APBB2: variants seen among roughly 807,000 people sequenced by gnomAD.
APBB2 encodes the protein amyloid beta precursor protein binding family B member 2, also known as Fe65-like 1.
APBB2 carries 38 observed loss-of-function variants against 82.5 expected under a neutral mutation model. That is an observed-to-expected ratio of 0.46 (90% CI 0.36 to 0.60). The LOEUF (loss-of-function observed/expected upper bound fraction) is 0.60. Among genes scored for constraint, APBB2 ranks in the 20% least tolerant of loss-of-function variants. The pLI is 0.00. For missense variants in APBB2, 772 were observed against 972.3 expected (o/e 0.79, Z 2.74); for synonymous variants, 341 against 368.2 (o/e 0.93, Z 0.85).
chr4:41,140,143 C>A (rs1758685633), intron 2 of APBB2, among the ~76,000 whole-genome samples: 1 of 152,194 alleles, frequency 6.6e-6, no homozygotes, highest in Non-Finnish European at 1.5e-5. Context: ...AGAAAGCTGA[C>A]TGAGGTTCTG....
chr4:41,189,940 A>G (rs1342109916), intron 1 of APBB2, among the ~76,000 whole-genome samples: 1 of 152,202 alleles, frequency 6.6e-6, no homozygotes, highest in African/African-American at 2.4e-5. Context: ...AGGGTTGAAA[A>G]TCTGTAACTG....
chr4:40,918,934 A>G (rs75655900), intron 10 of APBB2, among the ~76,000 whole-genome samples: 3,108 of 152,034 alleles, frequency 0.02, 47 homozygotes, highest in South Asian at 0.043. Context: ...TTACATTTAT[A>G]TAGAGCCTTG....
chr4:40,847,277 C>T (rs1315152865), intron 12 of APBB2, among the ~76,000 whole-genome samples: 1 of 152,050 alleles, frequency 6.6e-6, no homozygotes, highest in Admixed American at 6.6e-5. Flanking sequence ...AGCCTGCCAA[C>T]ATGACGAAAC....
intron 10 of APBB2, among the ~76,000 whole-genome samples, chr4:40,914,976 C>T (rs61132328): frequency 0.094 from 14,356 of 152,214 alleles, 767 homozygotes; most frequent in Middle Eastern, 0.16. Context: ...ACTCAGACCT[C>T]ATTTTAGTCA....
intron 6 of APBB2, among the ~76,000 whole-genome samples, chr4:40,955,124 G>T (rs936894056): frequency 6.6e-6 from 1 of 152,206 alleles, no homozygotes; most frequent in South Asian, 2.1e-4. Flanking sequence ...AATAAGAGAG[G>T]CAAACAATCA....
intron 1 of APBB2, among the ~76,000 whole-genome samples, chr4:41,196,718 T>A: frequency 6.6e-6 from 1 of 152,072 alleles, no homozygotes; most frequent in African/African-American, 2.4e-5. Context: ...TAGTCTCTTT[T>A]TGCCTGACTC....
intron 12 of APBB2, among the ~76,000 whole-genome samples, chr4:40,847,076 G>T (rs1757892924): frequency 6.6e-6 from 1 of 152,160 alleles, no homozygotes; most frequent in Admixed American, 6.5e-5. Context: ...AAAGTTTAGG[G>T]TATAATGAAA....
At chr4:41,172,445 C>T (rs112273609) in intron 1 of APBB2, among the ~76,000 whole-genome samples, 4 of 152,178 alleles carry the variant, frequency 2.6e-5, no homozygotes, top group South Asian at 2.1e-4. Context: ...GGGGACTAGA[C>T]GAGCACCCTT....
chr4:40,928,045 G>A (rs1229108018), intron 10 of APBB2, among the ~76,000 whole-genome samples: 1 of 152,222 alleles, frequency 6.6e-6, no homozygotes, highest in Non-Finnish European at 1.5e-5. Flanking sequence ...AGCACAGCGG[G>A]TGATGGGGAT....
At chr4:41,059,214 ACT>A (rs1728875979) in intron 4 of APBB2, among the ~76,000 whole-genome samples, 1 of 152,258 alleles carries the variant, frequency 6.6e-6, no homozygotes, top group Non-Finnish European at 1.5e-5. Flanking sequence ...TAATCCCAGC[ACT>A]TTGGGAGGCC....
At chr4:40,966,367 G>A (rs1302579253) in intron 6 of APBB2, among the ~76,000 whole-genome samples, 1 of 152,230 alleles carries the variant, frequency 6.6e-6, no homozygotes, top group Non-Finnish European at 1.5e-5. Flanking sequence ...GATGCTGGCT[G>A]CAGTGGAGGA....
intron 2 of APBB2, among the ~76,000 whole-genome samples, chr4:41,126,640 T>C (rs989704606): frequency 6.6e-6 from 1 of 152,132 alleles, no homozygotes. Context: ...GCTTAAACAA[T>C]AGAAAGTTAT....
intron 17 of APBB2, among the ~76,000 whole-genome samples, chr4:40,819,704 C>T (rs1050592608): frequency 1.3e-5 from 2 of 152,216 alleles, no homozygotes; most frequent in South Asian, 4.1e-4. Flanking sequence ...TCCAATGCTG[C>T]CCTTCAAGCT....
intron 6 of APBB2, among the ~76,000 whole-genome samples, chr4:40,972,446 A>G (rs1796187546): frequency 1.2e-5 from 1 of 86,402 alleles, no homozygotes; most frequent in South Asian, 3.8e-4. Flanking sequence ...AAAAAATAAT[A>G]ATAAATAAAT....
intron 12 of APBB2, chr4:40,880,711 T>C: frequency 1.0e-6 from 1 of 985,444 alleles, no homozygotes; most frequent in Non-Finnish European, 1.2e-6. Context: ...CCATCCTTTG[T>C]CTGGCTCAGG....
chr4:40,927,666 G>C (rs1382881486), intron 10 of APBB2, among the ~76,000 whole-genome samples: 2 of 152,112 alleles, frequency 1.3e-5, no homozygotes, highest in Non-Finnish European at 2.9e-5. Context: ...ATTTTTTGTA[G>C]AGACAGGGTT....
At chr4:41,041,171 T>C (rs1371281310) in intron 4 of APBB2, among the ~76,000 whole-genome samples, 2 of 152,182 alleles carry the variant, frequency 1.3e-5, no homozygotes, top group African/African-American at 2.4e-5. Flanking sequence ...TGATCCACCA[T>C]GCCCGGCTAC....
intron 6 of APBB2, among the ~76,000 whole-genome samples, chr4:40,983,644 C>G (rs1334318615): frequency 6.6e-6 from 1 of 151,890 alleles, no homozygotes; most frequent in Admixed American, 6.6e-5. Context: ...ATGGTGCCAC[C>G]TCTACTCACT....
intron 6 of APBB2, among the ~76,000 whole-genome samples, chr4:40,961,667 TAAAAAAAAAAAAAAAAAAAAAAAA>T (rs60942744): frequency 1.5e-5 from 1 of 68,250 alleles, no homozygotes; most frequent in East Asian, 5.4e-4. Context: ...AAAAAAGATG[TAAAAAAAAAAAAAAAAAAAAAAAA>T]AAAAAAAAAG....
Sources: gnomAD v4.1 joint callset for allele counts (sites outside exome capture counted in the v4.1 genomes callset) on GRCh38, gnomAD v4.1.1 for gene constraint, MANE v1.5 for transcripts, NCBI Gene and HGNC (gene_info 2026-07-23, HGNC 2026-07-21) for gene names.